The following RIMBP2 variants were observed in gnomAD, a reference collection of about 807,000 sequenced individuals.
The protein encoded by RIMBP2 is RIMS-binding protein 2.
In RIMBP2, 48 loss-of-function variants were observed where a neutral mutation model predicts 118.6. The observed-to-expected ratio is 0.40, with a 90% confidence interval of 0.32 to 0.51. The LOEUF (loss-of-function observed/expected upper bound fraction) is 0.51. RIMBP2 is among the 20% of genes least tolerant of loss of function. The pLI is 0.41. For synonymous variants in RIMBP2, 762 were observed against 742.9 expected (o/e 1.03, Z -0.42); for missense variants, 1,551 against 1,768.3 (o/e 0.88, Z 2.20).
intron 11 of RIMBP2, among the ~76,000 whole-genome samples, chr12:130,439,821 C>CTGTGTG (rs921625819): frequency 2.9e-5 from 1 of 34,434 alleles, no homozygotes; most frequent in African/African-American, 1.6e-4. Flanking sequence ...GTGGGGGTGT[C>CTGTGTG]TGTGTGTGTG....
chr12:130,619,545 C>T (rs1449087235), intron 2 of RIMBP2, among the ~76,000 whole-genome samples: 1 of 152,180 alleles, frequency 6.6e-6, no homozygotes, highest in Non-Finnish European at 1.5e-5. Flanking sequence ...TGGAAAGTCC[C>T]AGTTCTGTAT....
Position 130,431,381 on chromosome 12 carries a change from CTG to C in RIMBP2, c.2254-3046_2254-3045del, listed in dbSNP as rs551431998. ...CTTCCCGGGTTGTAAAACTGGCAGT[CTG>C]TGCACCAGCTCAACTTCAGTCACTC... On this transcript the variant is annotated intron_variant, in intron 14 of 22. Coordinates refer to ENST00000690449, the MANE Select transcript of RIMBP2 (RefSeq NM_001393629.1). The surrounding 1 kb of genome is among the most constrained non-coding windows in gnomAD (Gnocchi z 4.0). 2.6e-4 allele frequency: 98 copies of C among 370,712 alleles called. No individual in the cohort carries two copies. Among genetic ancestry groups the C allele is most frequent in the African/African-American group, 1.8e-3 (88 of 48,580 alleles). 23.0% of individuals were successfully genotyped at this position (370,712 alleles called of 1,614,324 possible). A position where few individuals can be genotyped will look rare whatever the true frequency, so the allele number is the denominator to read the frequency against.
At chr12:130,587,874 T>C (rs1223881895) in intron 2 of RIMBP2, among the ~76,000 whole-genome samples, 1 of 149,540 alleles carries the variant, frequency 6.7e-6, no homozygotes, top group Non-Finnish European at 1.5e-5. Context: ...GGGAGCGGTG[T>C]CCTCCAACTT....
chr12:130,442,443 G>T lies in RIMBP2; in HGVS notation c.909C>A (p.Asp303Glu), dbSNP rs1187857600. 5 of 1,614,148 alleles carry T rather than the reference G, an allele frequency of 3.1e-6. No homozygotes were observed. In the Admixed American group the frequency reaches 8.3e-5, roughly 27 times the overall value. ...CTTCTCCGATGTCGTCGATGTTCACGTCCAGGGTCCCGGCACTGTTGTCGG... is the reference window on the plus strand; with the variant it reads ...CTTCTCCGATGTCGTCGATGTTCACTTCCAGGGTCCCGGCACTGTTGTCGG... Reference protein sequence around the residue: ...GITDNSAGTLDVNIDDIGEDI... With the variant: ...GITDNSAGTLEVNIDDIGEDI... Residue 303 changes from aspartate to glutamate, a missense_variant, in exon 11 of 23, where the codon GAC becomes GAA. Coordinates refer to ENST00000690449, the MANE Select transcript of RIMBP2 (RefSeq NM_001393629.1). The surrounding 1 kb of genome is among the most constrained non-coding windows in gnomAD (Gnocchi z 6.9).
At chr12:130,509,731 C>CCCCCCT (rs1267379961) in intron 3 of RIMBP2, among the ~76,000 whole-genome samples, 31 of 150,944 alleles carry the variant, frequency 2.1e-4, no homozygotes, top group Middle Eastern at 3.4e-3. Context: ...CCTCTGCCCC[C>CCCCCCT]CCGCCCCGGC....
chr12:130,496,795 G>A (rs2049209976), intron 4 of RIMBP2, among the ~76,000 whole-genome samples: 1 of 152,166 alleles, frequency 6.6e-6, no homozygotes, highest in Admixed American at 6.5e-5. Context: ...TGCACACTGG[G>A]ACTGCTGTCC....
At chr12:130,708,353 T>C (rs1949651497) in intron 1 of RIMBP2, among the ~76,000 whole-genome samples, 1 of 152,142 alleles carries the variant, frequency 6.6e-6, no homozygotes, top group Non-Finnish European at 1.5e-5. Context: ...ACTTGTACTT[T>C]AGATGGATGA....
In RIMBP2 at chr12:130,620,993, G is replaced by A. The variant is rs377750739; in HGVS notation, c.-217+7329C>T. On this transcript the variant is annotated intron_variant, in intron 2 of 22. Transcript: ENST00000690449. This position sits in a 1 kb window ranked among gnomAD's most constrained non-coding sequence, Gnocchi z 5.3. ...TGGCATGGTTACATTAGCCATGGGC[G>A]GGCGAGCAACCTGCCTTGAGATCTG... is the stretch of plus-strand genomic sequence containing the variant. Among the ~76,000 whole-genome samples the A allele has an allele frequency of 6.6e-5, 10 of 152,258 alleles. No homozygotes were observed. The highest frequency in any genetic ancestry group is 9.6e-5 in the African/African-American group (4 of 41,554).
chr12:130,585,875 A>C (rs2140259979), intron 2 of RIMBP2, among the ~76,000 whole-genome samples: 1 of 152,270 alleles, frequency 6.6e-6, no homozygotes, highest in African/African-American at 2.4e-5. Context: ...TGGCCCCCAC[A>C]GGCCTTTTGA....
At chr12:130,641,351 C>T (rs1217279570) in intron 1 of RIMBP2, among the ~76,000 whole-genome samples, 2 of 143,904 alleles carry the variant, frequency 1.4e-5, no homozygotes, top group African/African-American at 2.6e-5. Flanking sequence ...TGGTGACTGC[C>T]GGACACTCGG....
At chr12:130,704,177 C>T (rs1160871807) in intron 1 of RIMBP2, among the ~76,000 whole-genome samples, 9 of 152,068 alleles carry the variant, frequency 5.9e-5, no homozygotes, top group African/African-American at 1.4e-4. Context: ...GGAGGAGGGA[C>T]GAGGACCGAG....
In RIMBP2 at chr12:130,621,311, G is replaced by A. The variant is rs1182009777; in HGVS notation, c.-217+7011C>T. On this transcript the variant is annotated intron_variant, in intron 2 of 22. Coordinates refer to ENST00000690449, the MANE Select transcript of RIMBP2 (RefSeq NM_001393629.1). This position sits in a 1 kb window ranked among gnomAD's most constrained non-coding sequence, Gnocchi z 6.6. ...CCCTGCTGGCTTTTTGGGCCTAACT[G>A]TAGATATGATAATACAATGTGGGAA... Among the ~76,000 whole-genome samples, 1 of 152,176 alleles carries A rather than the reference G, an allele frequency of 6.6e-6. No homozygotes were observed. The highest frequency in any genetic ancestry group is 1.5e-5 in the Non-Finnish European group (1 of 68,044).
At chr12:130,588,296 C>A (rs939834625) in intron 2 of RIMBP2, among the ~76,000 whole-genome samples, 3 of 152,190 alleles carry the variant, frequency 2.0e-5, no homozygotes, top group Non-Finnish European at 4.4e-5. Flanking sequence ...GTGCCATATC[C>A]ACATCCGGTC....
intron 9 of RIMBP2, among the ~76,000 whole-genome samples, chr12:130,449,369 G>A (rs2078802956): frequency 6.6e-6 from 1 of 152,252 alleles, no homozygotes; most frequent in Non-Finnish European, 1.5e-5. Context: ...AAGCTCCCGT[G>A]GAGGACCTGA....
chr12:130,449,445 G>A lies in RIMBP2; in HGVS notation c.581+755C>T, dbSNP rs117370713. Among the ~76,000 whole-genome samples the A allele has an allele frequency of 6.7e-3, 1,021 of 152,316 alleles. 9 individuals carry two copies. Among genetic ancestry groups the A allele is most frequent in the South Asian group, 0.011 (54 of 4,828 alleles). ...GCACAAACACTGAAGGCCCCTGCAC[G>A]GGAAGCCCACTCAGCGGCTGTCATC... On this transcript the variant is annotated intron_variant, in intron 9 of 22. Coordinates refer to ENST00000690449, the MANE Select transcript of RIMBP2 (RefSeq NM_001393629.1).
intron 1 of RIMBP2, among the ~76,000 whole-genome samples, chr12:130,699,743 A>T (rs914222697): frequency 8.6e-5 from 13 of 151,802 alleles, no homozygotes; most frequent in Non-Finnish European, 1.6e-4. Context: ...ATAAAATTTT[A>T]AAAAATACAA....
At chr12:130,412,187 GAA>G (rs1242563289) in intron 19 of RIMBP2, among the ~76,000 whole-genome samples, 4 of 152,146 alleles carry the variant, frequency 2.6e-5, no homozygotes, top group African/African-American at 9.7e-5. Context: ...AAACTAAAGA[GAA>G]AAGAGCTTGT....
At position 130,436,824 on chromosome 12, in the gene RIMBP2, C is replaced by T. The variant is rs976324821; in HGVS notation, c.2106+18G>A. ...TTTGGGGACTGAGGAGCCACCGAGG[C>T]GGGAGCCCCAGCCTTACCCTGCTGC... On this transcript the variant is annotated intron_variant, in intron 13 of 22. Coordinates refer to ENST00000690449, the MANE Select transcript of RIMBP2 (RefSeq NM_001393629.1). 8 of 1,376,558 alleles carry T rather than the reference C, an allele frequency of 5.8e-6. 1 individual carries two copies. The highest frequency in any genetic ancestry group is 6.8e-5 in the Admixed American group (2 of 29,332). The allele number at this position is 1,376,558 out of a possible 1,614,324, so 85.3% of individuals were successfully genotyped here. A position where few individuals can be genotyped will look rare whatever the true frequency, so the allele number is the denominator to read the frequency against.
chr12:130,461,356 G>A (rs1158111162), intron 6 of RIMBP2, among the ~76,000 whole-genome samples: 5 of 152,184 alleles, frequency 3.3e-5, no homozygotes, highest in Non-Finnish European at 7.3e-5. Flanking sequence ...GCAGGGGCAG[G>A]GTAGACCTGC....
Sources: gnomAD v4.1 joint callset for allele counts (sites outside exome capture counted in the v4.1 genomes callset) on GRCh38, gnomAD v4.1.1 for gene constraint, Gnocchi (gnomAD v3.1) non-coding constraint, MANE v1.5 for transcripts, NCBI Gene and HGNC (gene_info 2026-07-23, HGNC 2026-07-21) for gene names.